Variants in HMGB1 observed in about 807,000 individuals in gnomAD.
HMGB1 encodes high mobility group protein B1.
For synonymous variants in HMGB1, 81 were observed against 84.0 expected, an observed-to-expected ratio of 0.96 and a Z score of 0.19; for missense variants, 79 against 253.5, an observed-to-expected ratio of 0.31 and a Z score of 4.67.
At chr13:30,544,711 T>C (rs1021740463) in intron 1 of HMGB1, among the ~76,000 whole-genome samples, 3 of 152,206 alleles carry the variant, frequency 2.0e-5, no homozygotes, top group Non-Finnish European at 4.4e-5. Flanking sequence ...ATAAGTAAAA[T>C]GTTTTCCTGA....
chr13:30,511,760 A>G (rs1566011102), intron 1 of HMGB1, among the ~76,000 whole-genome samples: 1 of 151,506 alleles, frequency 6.6e-6, no homozygotes. Context: ...GTTTCTCCTT[A>G]CTCTAGTGCA....
intron 1 of HMGB1, among the ~76,000 whole-genome samples, chr13:30,518,506 T>G (rs758884126): frequency 2.6e-5 from 4 of 152,204 alleles, no homozygotes; most frequent in Non-Finnish European, 5.9e-5. Flanking sequence ...CTCTGTCATT[T>G]AGTTGCTGAA....
chr13:30,487,767 G>A (rs1476899521), intron 1 of HMGB1, among the ~76,000 whole-genome samples: 2 of 152,166 alleles, frequency 1.3e-5, no homozygotes, highest in Admixed American at 6.5e-5. Flanking sequence ...TGCTTGCTTA[G>A]AAAATAAGAC....
intron 1 of HMGB1, among the ~76,000 whole-genome samples, chr13:30,609,468 T>C (rs1330070565): frequency 6.6e-6 from 1 of 152,156 alleles, no homozygotes; most frequent in Non-Finnish European, 1.5e-5. Flanking sequence ...CTGGGTCCAC[T>C]TATAAAATGG....
At chr13:30,481,218 T>C (rs1417053488) in intron 1 of HMGB1, among the ~76,000 whole-genome samples, 4 of 151,960 alleles carry the variant, frequency 2.6e-5, no homozygotes, top group African/African-American at 7.3e-5. Context: ...CTTCAGTGGC[T>C]AGAACTGAAC....
chr13:30,567,110 T>C (rs979043529), intron 1 of HMGB1, among the ~76,000 whole-genome samples: 2 of 152,220 alleles, frequency 1.3e-5, no homozygotes, highest in Non-Finnish European at 2.9e-5. Flanking sequence ...CAAACTATTT[T>C]AGGCACAGTT....
chr13:30,506,482 C>T (rs1462482045), intron 1 of HMGB1, among the ~76,000 whole-genome samples: 4 of 152,180 alleles, frequency 2.6e-5, no homozygotes. Context: ...TGTACCCCAG[C>T]CTGTAGTCCC....
At chr13:30,610,673 C>G (rs187985006) in intron 1 of HMGB1, among the ~76,000 whole-genome samples, 12 of 150,266 alleles carry the variant, frequency 8.0e-5, no homozygotes, top group Non-Finnish European at 1.8e-4. Context: ...TATGAAGTAA[C>G]AAAACTGAGA....
intron 1 of HMGB1, among the ~76,000 whole-genome samples, chr13:30,531,638 G>A (rs928451359): frequency 6.6e-6 from 1 of 151,334 alleles, no homozygotes; most frequent in African/African-American, 2.4e-5. Flanking sequence ...GGTGGCTCAC[G>A]CCTGTAATCC....
At chr13:30,475,041 CTCTCTT>C (rs1258849908) in intron 1 of HMGB1, among the ~76,000 whole-genome samples, 3 of 55,840 alleles carry the variant, frequency 5.4e-5, no homozygotes, top group African/African-American at 1.6e-4. Flanking sequence ...CTCTCTCTCT[CTCTCTT>C]TTTTTTTTTT....
chr13:30,517,701 C>G (rs1888131573), intron 1 of HMGB1, among the ~76,000 whole-genome samples: 1 of 152,176 alleles, frequency 6.6e-6, no homozygotes, highest in Non-Finnish European at 1.5e-5. Context: ...TGAGAGCCTT[C>G]TGCTCTGAAG....
At chr13:30,556,704 A>G (rs189398672) in intron 1 of HMGB1, among the ~76,000 whole-genome samples, 33 of 152,368 alleles carry the variant, frequency 2.2e-4, no homozygotes, top group Admixed American at 5.2e-4. Flanking sequence ...AAAGCTAAAA[A>G]AAGTTGATCT....
intron 1 of HMGB1, among the ~76,000 whole-genome samples, chr13:30,609,539 A>G (rs564299308): frequency 6.6e-6 from 1 of 152,232 alleles, no homozygotes; most frequent in Admixed American, 6.5e-5. Flanking sequence ...CTCCCTCCCT[A>G]CATGCTCCTG....
rs386378689 is a variant in HMGB1, at chr13:30,456,760, C to CGGGGGGG, written c.*4590_*4596dup. The CGGGGGGG allele has an allele frequency of 4.1e-3, 55 of 13,492 alleles. No individual in the cohort carries two copies. Among genetic ancestry groups the CGGGGGGG allele is most frequent in the Admixed American group, 5.6e-3 (5 of 886 alleles). The allele number at this position is 13,492 out of a possible 1,614,324, so 0.8% of individuals were successfully genotyped here. On this transcript the variant is annotated 3_prime_UTR_variant, in exon 5 of 5. Coordinates refer to ENST00000341423, the MANE Select transcript of HMGB1 (RefSeq NM_002128.7). ...CAGCATAAATAACAGCTTTTGTGGG[C>CGGGGGGG]GGGGGGGGGGGGTGGTGGGGTGCAA...
intron 1 of HMGB1, among the ~76,000 whole-genome samples, chr13:30,521,205 T>C (rs565199661): frequency 2.0e-5 from 3 of 152,314 alleles, no homozygotes; most frequent in South Asian, 4.1e-4. Flanking sequence ...TGCCCTTATT[T>C]TTTCCCAGAA....
intron 1 of HMGB1, among the ~76,000 whole-genome samples, chr13:30,568,319 C>A (rs1870278795): frequency 6.6e-6 from 1 of 152,074 alleles, no homozygotes. Flanking sequence ...ACAGCCCAGG[C>A]AACATATTGA....
chr13:30,546,203 C>T lies in HMGB1; in HGVS notation c.-15+70468G>A, dbSNP rs540452458. On this transcript the variant is annotated intron_variant, in intron 1 of 4. Transcript: ENST00000405805. ...TGATCTCAGCCCACTGTAATCTCTG[C>T]CTCCCGGGTTCAAGCAATTCCCCTG... Among the ~76,000 whole-genome samples, 603 of 152,268 alleles carry T rather than the reference C, an allele frequency of 4.0e-3. 1 individual carries two copies. Among genetic ancestry groups the T allele is most frequent in the African/African-American group, 0.014 (573 of 41,558 alleles).
At chr13:30,472,537 G>A (rs1355113121) in intron 1 of HMGB1, among the ~76,000 whole-genome samples, 1 of 152,184 alleles carries the variant, frequency 6.6e-6, no homozygotes, top group Admixed American at 6.5e-5. Flanking sequence ...GGAGACAGAG[G>A]TTGCAGTGAG....
At chr13:30,574,764 T>G (rs186105787) in intron 1 of HMGB1, among the ~76,000 whole-genome samples, 2 of 152,330 alleles carry the variant, frequency 1.3e-5, no homozygotes, top group East Asian at 1.9e-4. Flanking sequence ...TAGAGGGCTG[T>G]CCTTACTGCA....
Sources: gnomAD v4.1 joint callset for allele counts (sites outside exome capture counted in the v4.1 genomes callset) on GRCh38, gnomAD v4.1.1 for gene constraint, MANE v1.5 for transcripts, NCBI Gene and HGNC (gene_info 2026-07-23, HGNC 2026-07-21) for gene names.